Variants in DIP2A observed in about 807,000 individuals in gnomAD.
The protein encoded by DIP2A is disco-interacting protein 2 homolog A.
DIP2A carries 85 observed loss-of-function variants against 177.4 expected under a neutral mutation model. That is an observed-to-expected ratio of 0.48 (90% CI 0.40 to 0.57). The LOEUF (loss-of-function observed/expected upper bound fraction) is 0.57. Ranked by LOEUF, DIP2A falls within the 20% of genes least tolerant of loss-of-function variation. The probability of loss-of-function intolerance (pLI) is 0.00; values close to 1 mark genes in which losing one functional copy is unlikely to be tolerated. For synonymous variants in DIP2A, 886 were observed against 881.8 expected (o/e 1.00, Z -0.08); for missense variants, 1,791 against 2,100.2 (o/e 0.85, Z 2.88).
At chr21:46,461,897 CAA>C (rs34255178) in intron 1 of DIP2A, among the ~76,000 whole-genome samples, 4 of 138,718 alleles carry the variant, frequency 2.9e-5, no homozygotes, top group Non-Finnish European at 4.7e-5. Context: ...CTGCCTCTTC[CAA>C]AAAAAAAAAA....
At chr21:46,517,538 G>A (rs1467375195) in intron 8 of DIP2A, among the ~76,000 whole-genome samples, 1 of 152,176 alleles carries the variant, frequency 6.6e-6, no homozygotes, top group Admixed American at 6.5e-5. Flanking sequence ...GCTCTCCTCT[G>A]GCTCTCCTGG....
At chr21:46,548,080 T>C (rs928832406) in intron 21 of DIP2A, among the ~76,000 whole-genome samples, 12 of 152,056 alleles carry the variant, frequency 7.9e-5, no homozygotes, top group Non-Finnish European at 1.6e-4. Context: ...TGGTGTGTCA[T>C]CATGGTTAGT....
At position 46,549,857 on chromosome 21, in the gene DIP2A, G is replaced by C; in HGVS notation, c.2609G>C (p.Ser870Thr). 1 of 1,612,440 alleles carries C rather than the reference G, an allele frequency of 6.2e-7. No homozygotes were observed. Among genetic ancestry groups the C allele is most frequent in the South Asian group, 1.1e-5 (1 of 91,088 alleles). Reference protein sequence around the residue: ...EQRPDASEEDSFQWMSRVLQA... With the variant: ...EQRPDASEEDTFQWMSRVLQA... Reference sequence around the variant, plus strand: ...CGGCCGGATGCCTCGGAGGAGGACAGCTTCCAGTGGATGAGCCGTGTGCTG... The same window carrying C: ...CGGCCGGATGCCTCGGAGGAGGACACCTTCCAGTGGATGAGCCGTGTGCTG... Residue 870 changes from serine (S) to threonine (T), a missense_variant, in exon 22 of 38, where the codon AGC becomes ACC. By Grantham distance (58) the Ser-to-Thr change is moderately conservative. Coordinates refer to ENST00000417564, the MANE Select transcript of DIP2A (RefSeq NM_015151.4).
chr21:46,488,101 G>A (rs560147475), intron 2 of DIP2A, among the ~76,000 whole-genome samples: 21 of 152,294 alleles, frequency 1.4e-4, no homozygotes, highest in African/African-American at 4.3e-4. Context: ...AGTGTACAGA[G>A]TACACGACCC....
Position 46,558,231 on chromosome 21 carries a change from G to A in DIP2A, c.3807G>A (p.Gly1269=). The A allele has an allele frequency of 6.2e-7, 1 of 1,611,818 alleles. No homozygotes were observed. Among genetic ancestry groups the A allele is most frequent in the Non-Finnish European group, 8.5e-7 (1 of 1,179,460 alleles). The change falls in exon 32 of 38, where the codon GGG becomes GGA. Residue 1269 remains glycine (G), a synonymous_variant. Transcript: ENST00000417564. ...GAQTGVLRMK[G]VNLSCVRTCM... is the part of the protein sequence containing the mutation. ...GCTCACCCCTCCCGCAGATGAAGGG[G>A]GTGAACCTGTCATGTGTGCGCACGT...
chr21:46,473,661 G>C (rs991109124), intron 1 of DIP2A, among the ~76,000 whole-genome samples: 1 of 152,020 alleles, frequency 6.6e-6, no homozygotes. Flanking sequence ...GATTACAGGC[G>C]TGTGCCACCA....
intron 1 of DIP2A, chr21:46,462,417 G>C (rs570663206): frequency 1.3e-5 from 2 of 152,188 alleles, no homozygotes; most frequent in South Asian, 4.1e-4. Context: ...GTCTCTAAAC[G>C]TGGGTTTAGT....
chr21:46,482,884 A>G (rs991727310), intron 1 of DIP2A, among the ~76,000 whole-genome samples: 8 of 152,242 alleles, frequency 5.3e-5, no homozygotes, highest in African/African-American at 1.2e-4. Flanking sequence ...TCCTACACAC[A>G]TGCACATTTG....
In DIP2A at chr21:46,554,446, T is replaced by C. The variant is rs1486442463; in HGVS notation, c.3155-129T>C. 1.9e-6 allele frequency: 3 copies of C among 1,540,688 alleles called. No individual in the cohort carries two copies. In the East Asian group the frequency reaches 6.9e-5, roughly 35 times the overall value. ...TCTGCCTCCTCAGCTCAGCTACCCC[T>C]GTGGAAACCCAGGAGTCACCCATGC... On this transcript the variant is annotated intron_variant, in intron 26 of 37. Transcript: ENST00000417564.
chr21:46,556,114 T>G lies in DIP2A; in HGVS notation c.3498+23T>G. ...AAGGTAGGTCCTCTGAAATCTTGTT[T>G]GCTTCAGCCCCTAGAAATCAGGAGG... On this transcript the variant is annotated intron_variant, in intron 29 of 37. Coordinates refer to ENST00000417564, the MANE Select transcript of DIP2A (RefSeq NM_015151.4). This position sits in a 1 kb window ranked among gnomAD's most constrained non-coding sequence, Gnocchi z 4.5. 6.3e-7 allele frequency: 1 copy of G among 1,595,576 alleles called. No homozygotes were observed. Among genetic ancestry groups the G allele is most frequent in the Non-Finnish European group, 8.6e-7 (1 of 1,163,294 alleles).
chr21:46,533,505 G>C lies in DIP2A; in HGVS notation c.1306-19G>C, dbSNP rs1337449585. 15 of 1,610,224 alleles carry C rather than the reference G, an allele frequency of 9.3e-6. No individual in the cohort carries two copies. The highest frequency in any genetic ancestry group is 1.3e-5 in the Non-Finnish European group (15 of 1,178,328). On this transcript the variant is annotated intron_variant, in intron 10 of 37. Coordinates refer to ENST00000417564, the MANE Select transcript of DIP2A (RefSeq NM_015151.4). The stretch of plus-strand genomic sequence containing the variant: ...TGCTGTGAGCACCCCACCCCACACG[G>C]TCACTCTGCTTTCTGCAGGATGCAG...
At chr21:46,532,009 A>G in intron 9 of DIP2A, 118 bp from the exon 10 acceptor site, 1 of 921,342 alleles carries the variant, frequency 1.1e-6, no homozygotes, top group Non-Finnish European at 1.6e-6. Context: ...TATGGTTTCA[A>G]GCACAATTAT....
chr21:46,490,081 A>G (rs2056922550), intron 2 of DIP2A, among the ~76,000 whole-genome samples: 1 of 152,082 alleles, frequency 6.6e-6, no homozygotes, highest in Admixed American at 6.5e-5. Flanking sequence ...CCATCTTTCT[A>G]ATGCCCCTCT....
At chr21:46,578,651 A>G in the DIP2A span, among the ~76,000 whole-genome samples, 2 of 152,186 alleles carry the variant, frequency 1.3e-5, no homozygotes, top group Non-Finnish European at 1.5e-5. Context: ...AGTTTATTGA[A>G]AGTATTAATG....
chr21:46,503,667 T>TTCTTTCTTTCTTTC (rs2057814687), intron 5 of DIP2A, among the ~76,000 whole-genome samples: 1 of 43,908 alleles, frequency 2.3e-5, no homozygotes, highest in South Asian at 6.3e-4. Context: ...TTCTTTCTTT[T>TTCTTTCTTTCTTTC]TCTTTCTTTC....
chr21:46,510,624 A>C (rs1026182350), intron 7 of DIP2A, among the ~76,000 whole-genome samples: 1 of 122,142 alleles, frequency 8.2e-6, no homozygotes, highest in East Asian at 2.5e-4. Context: ...ATAATCAAAT[A>C]ATCTTTTTTT....
At chr21:46,488,658 G>A (rs1372165855) in intron 2 of DIP2A, among the ~76,000 whole-genome samples, 1 of 152,154 alleles carries the variant, frequency 6.6e-6, no homozygotes, top group Non-Finnish European at 1.5e-5. Context: ...TATCACATTG[G>A]CAAAATTCTA....
chr21:46,516,967 T>C (rs8131943), intron 8 of DIP2A, among the ~76,000 whole-genome samples: 24,207 of 151,822 alleles, frequency 0.16, 2,190 homozygotes, highest in African/African-American at 0.21. Context: ...ATACACACAT[T>C]AATTATTGTA....
chr21:46,542,994 T>C (rs2059880946), intron 18 of DIP2A, among the ~76,000 whole-genome samples: 1 of 152,238 alleles, frequency 6.6e-6, no homozygotes, highest in African/African-American at 2.4e-5. Flanking sequence ...TGGTGCCTGA[T>C]CCCTGTGTGT....
Sources: gnomAD v4.1 joint callset for allele counts (sites outside exome capture counted in the v4.1 genomes callset) on GRCh38, gnomAD v4.1.1 for gene constraint, Gnocchi (gnomAD v3.1) non-coding constraint, MANE v1.5 for transcripts, NCBI Gene and HGNC (gene_info 2026-07-23, HGNC 2026-07-21) for gene names.